Variants in SPAST observed in about 807,000 individuals in gnomAD.
SPAST encodes the protein spastic paraplegia 4 (autosomal dominant; spastin).
In SPAST, 30 loss-of-function variants were observed where a neutral mutation model predicts 76.6. That is an observed-to-expected ratio of 0.39 (90% confidence interval 0.29 to 0.53). The LOEUF (loss-of-function observed/expected upper bound fraction) is 0.53, where lower values mean the gene tolerates loss of function less well. SPAST is among the 20% of genes least tolerant of loss of function. SPAST has a pLI of 0.68. For synonymous variants in SPAST, 305 were observed against 281.0 expected, an observed-to-expected ratio of 1.09 and a Z score of -0.86; for missense variants, 717 against 770.5, an observed-to-expected ratio of 0.93 and a Z score of 0.82.
chr2:32,116,420 T>G (rs1678836986), intron 7 of SPAST, among the ~76,000 whole-genome samples: 1 of 152,210 alleles, frequency 6.6e-6, no homozygotes, highest in Admixed American at 6.5e-5. Flanking sequence ...GTTCCTAATT[T>G]CCAATCCTTT....
chr2:32,103,708 C>G (rs1000357886), intron 4 of SPAST, among the ~76,000 whole-genome samples: 3 of 152,024 alleles, frequency 2.0e-5, no homozygotes, highest in Admixed American at 2.0e-4. Context: ...TTATTTCTGC[C>G]TTCATTTTCT....
At chr2:32,132,228 A>G (rs1679391778) in intron 9 of SPAST, among the ~76,000 whole-genome samples, 1 of 152,080 alleles carries the variant, frequency 6.6e-6, no homozygotes, top group South Asian at 2.1e-4. Context: ...TGTCTCTACC[A>G]GAAATACAAA....
At chr2:32,070,159 G>C (rs935058601) in intron 1 of SPAST, among the ~76,000 whole-genome samples, 1 of 150,958 alleles carries the variant, frequency 6.6e-6, no homozygotes, top group Non-Finnish European at 1.5e-5. Context: ...TCCACCTCCC[G>C]GGTTCAAGCG....
intron 16 of SPAST, among the ~76,000 whole-genome samples, chr2:32,152,068 G>A (rs1306152377): frequency 1.3e-5 from 2 of 152,032 alleles, no homozygotes; most frequent in Non-Finnish European, 2.9e-5. Context: ...AGTACCTTGT[G>A]TATCTAATTT....
At chr2:32,088,659 G>A (rs1677589506) in intron 2 of SPAST, among the ~76,000 whole-genome samples, 1 of 151,992 alleles carries the variant, frequency 6.6e-6, no homozygotes, top group Admixed American at 6.6e-5. Context: ...AGAAAGAAAA[G>A]CAAAACAGTA....
intron 16 of SPAST, among the ~76,000 whole-genome samples, chr2:32,152,395 C>T (rs1422569773): frequency 6.6e-6 from 1 of 151,988 alleles, no homozygotes; most frequent in Non-Finnish European, 1.5e-5. Context: ...TGGTGAAATC[C>T]TCATCTCTAC....
intron 7 of SPAST, among the ~76,000 whole-genome samples, chr2:32,121,144 C>G (rs1679003038): frequency 6.6e-6 from 1 of 151,682 alleles, no homozygotes; most frequent in Non-Finnish European, 1.5e-5. Context: ...TTGTACATTT[C>G]TTTCTTTTTT....
Position 32,127,020 on chromosome 2 carries a change from C to A in SPAST, c.1171C>A (p.Leu391Met), listed in dbSNP as rs143815720. 4 of 1,605,104 alleles carry A rather than the reference C, an allele frequency of 2.5e-6. No individual in the cohort carries two copies. Among genetic ancestry groups the A allele is most frequent in the Non-Finnish European group, 3.4e-6 (4 of 1,171,884 alleles). The change falls in exon 8 of 17, where the codon CTG becomes ATG. Residue 391 changes from leucine (L) to methionine (M), a missense_variant and splice_region_variant. Leu to Met is a conservative substitution (Grantham distance 15). Coordinates refer to ENST00000315285, the MANE Select transcript of SPAST (RefSeq NM_014946.4). ...TCCACCTGGGAATGGGAAGACAATG[C>A]TGGTAAGGGTTCTCTTCAAATTTGA... ...FGPPGNGKTM[L>M]AKAVAAESNA...
chr2:32,115,492 G>T lies in SPAST; in HGVS notation c.871-210G>T, dbSNP rs372297001. The stretch of plus-strand genomic sequence containing the variant: ...TTATTTTGTAAAAACTAAATCTCTG[G>T]ATAAAATCCTCTATAACTGACTTAA... On this transcript the variant is annotated intron_variant, in intron 5 of 16. Transcript: ENST00000315285. Among the ~76,000 whole-genome samples the T allele has an allele frequency of 7.9e-5, 12 of 152,110 alleles. No homozygotes were observed. The East Asian group carries it at 1.9e-3, about 24-fold the overall frequency.
At chr2:32,138,308 G>A (rs778599287) in intron 12 of SPAST, among the ~76,000 whole-genome samples, 66 of 152,016 alleles carry the variant, frequency 4.3e-4, no homozygotes, top group Admixed American at 2.0e-3. Flanking sequence ...ACCAACATCT[G>A]TTATTTTTTT....
intron 4 of SPAST, among the ~76,000 whole-genome samples, chr2:32,113,134 TA>T (rs201973213): frequency 1.7e-4 from 25 of 151,438 alleles, no homozygotes; most frequent in Admixed American, 3.3e-4. Flanking sequence ...TTATTATTAT[TA>T]TTTTTTTTTT....
intron 16 of SPAST, among the ~76,000 whole-genome samples, chr2:32,148,112 C>T (rs888551178): frequency 6.6e-6 from 1 of 151,742 alleles, no homozygotes; most frequent in Non-Finnish European, 1.5e-5. Context: ...TTTTAATTTT[C>T]TGTAGAGATG....
chr2:32,069,775 G>A (rs573760677), intron 1 of SPAST, among the ~76,000 whole-genome samples: 10 of 151,958 alleles, frequency 6.6e-5, no homozygotes, highest in Admixed American at 3.3e-4. Flanking sequence ...TAGCCAGTAC[G>A]GTCTCGATCT....
Position 32,064,138 on chromosome 2 carries a change from T to C in SPAST, c.307T>C (p.Ser103Pro), listed in dbSNP as rs1054078640. The C allele has an allele frequency of 4.5e-6, 7 of 1,570,320 alleles. No individual in the cohort carries two copies. In the African/African-American group the frequency reaches 9.5e-5, roughly 21 times the overall value. The change falls in exon 1 of 17, where the codon TCG (serine) becomes CCG (proline). Residue 103 changes from serine (S) to proline (P), a missense_variant. By Grantham distance (74) the Ser-to-Pro change is moderately conservative (BLOSUM62 -1). Coordinates refer to ENST00000315285, the MANE Select transcript of SPAST (RefSeq NM_014946.4). ...GGCCGCGCCAGCACCTGCCTCGGCC[T>C]CGGCCCCGGCGCCGGTGCCGGGCGG... ...SGAAPAPASA[S>P]APAPVPGGEA...
intron 3 of SPAST, among the ~76,000 whole-genome samples, chr2:32,096,558 C>T (rs1677922576): frequency 6.6e-6 from 1 of 152,188 alleles, no homozygotes; most frequent in African/African-American, 2.4e-5. Context: ...AAGCAATGTA[C>T]TGTTACACTG....
Position 32,064,074 on chromosome 2 carries a change from C to G in SPAST, c.243C>G (p.Arg81=), listed in dbSNP as rs146956762. 1.0e-4 allele frequency: 165 copies of G among 1,612,632 alleles called. No individual in the cohort carries two copies. In the African/African-American group the frequency reaches 2.1e-3, roughly 21 times the overall value. ...TCCTCTTCGTGTGGCTCTGCCAGCGCTTCTCCCGCGCCCTCATGGCAGCCA... is the reference window on the plus strand; with the variant it reads ...TCCTCTTCGTGTGGCTCTGCCAGCGGTTCTCCCGCGCCCTCATGGCAGCCA... ...LGLLFVWLCQ[R]FSRALMAAKR... The change falls in exon 1 of 17, where the codon CGC becomes CGG. Residue 81 remains arginine, a synonymous_variant. Coordinates refer to ENST00000315285, the MANE Select transcript of SPAST (RefSeq NM_014946.4).
rs2365558 is a variant in SPAST, at chr2:32,111,588, C to G, written c.683-3050C>G. 2.7e-5 allele frequency among the ~76,000 whole-genome samples: 4 copies of G among 150,830 alleles called. No homozygotes were observed. In the South Asian group the frequency reaches 8.3e-4, roughly 31 times the overall value. On this transcript the variant is annotated intron_variant, in intron 4 of 16. Transcript: ENST00000315285. ...ATTATATATTAATGATATTTTTTCC[C>G]TTTTGAGTTTTTCTTCCCCACAGGT...
chr2:32,082,149 C>T (rs910322529), intron 1 of SPAST, among the ~76,000 whole-genome samples: 7 of 150,492 alleles, frequency 4.7e-5, no homozygotes, highest in Non-Finnish European at 5.9e-5. Context: ...CCCACCCCCA[C>T]GCCCAGCTAA....
In SPAST at chr2:32,063,747, G is replaced by T. The variant is rs1032068939; in HGVS notation, c.-85G>T. On this transcript the variant is annotated 5_prime_UTR_variant, in exon 1 of 17. Coordinates refer to ENST00000315285, the MANE Select transcript of SPAST (RefSeq NM_014946.4). Reference sequence around the variant, plus strand: ...GGGCACACGGGGGTCTGTGGCCCCCGCCGTAGCAGTGGCTGCCGCCGTCGC... The same window carrying T: ...GGGCACACGGGGGTCTGTGGCCCCCTCCGTAGCAGTGGCTGCCGCCGTCGC... The T allele has an allele frequency of 6.6e-7, 1 of 1,509,502 alleles. No individual in the cohort carries two copies. The highest frequency in any genetic ancestry group is 1.4e-5 in the African/African-American group (1 of 72,130). 93.5% of individuals were successfully genotyped at this position (1,509,502 alleles called of 1,614,324 possible).
Sources: gnomAD v4.1 joint callset for allele counts (sites outside exome capture counted in the v4.1 genomes callset) on GRCh38, gnomAD v4.1.1 for gene constraint, MANE v1.5 for transcripts, NCBI Gene and HGNC (gene_info 2026-07-23, HGNC 2026-07-21) for gene names.